ATP2C2: variants seen among roughly 807,000 people sequenced by gnomAD.
The protein encoded by ATP2C2 is calcium-transporting ATPase type 2C member 2.
ATP2C2 carries 171 observed loss-of-function variants against 110.8 expected under a neutral mutation model. That is an observed-to-expected ratio of 1.54 (90% CI 1.36 to 1.75). ATP2C2 has a LOEUF of 1.75. Ranked by LOEUF, ATP2C2 falls within the 40% of genes most tolerant of loss-of-function variation. The pLI, the probability that ATP2C2 is intolerant of heterozygous loss-of-function variation, is 0.00. For missense variants in ATP2C2, 1,963 were observed against 1,235.0 expected (o/e 1.59, Z -8.84); for synonymous variants, 804 against 508.4 (o/e 1.58, Z -7.82).
In ATP2C2 at chr16:84,453,140, A is replaced by G. The variant is rs1179224690; in HGVS notation, c.1834A>G (p.Arg612Gly). 8.7e-6 allele frequency: 14 copies of G among 1,609,596 alleles called. No individual in the cohort carries two copies. Among genetic ancestry groups the G allele is most frequent in the South Asian group, 1.1e-5 (1 of 90,666 alleles). ...CCTCAGAACAGGTTCTTCTGAAGGA[A>G]GAAACATCGGCCTGTGCAACGGGAA... ...DALETALAIGRNIGLCNGKLQ... is the reference protein window; with the variant it reads ...DALETALAIGGNIGLCNGKLQ... The change falls in exon 19 of 27, where the codon AGA becomes GGA. Residue 612 changes from arginine (R) to glycine (G), a missense_variant and splice_region_variant. By Grantham distance (125) the Arg-to-Gly change is moderately radical. Coordinates refer to ENST00000262429, the MANE Select transcript of ATP2C2 (RefSeq NM_014861.4).
intron 11 of ATP2C2, among the ~76,000 whole-genome samples, chr16:84,430,446 G>C (rs1328566335): frequency 6.6e-6 from 1 of 152,098 alleles, no homozygotes; most frequent in Non-Finnish European, 1.5e-5. Context: ...TTTAAGACCA[G>C]GTTGGCCAAC....
At chr16:84,452,713 G>A (rs1296190571) in intron 18 of ATP2C2, among the ~76,000 whole-genome samples, 1 of 152,018 alleles carries the variant, frequency 6.6e-6, no homozygotes, top group Admixed American at 6.6e-5. Flanking sequence ...TGCCCAGGCT[G>A]GTCTTGAACT....
intron 1 of ATP2C2, among the ~76,000 whole-genome samples, chr16:84,370,037 T>C (rs903657924): frequency 6.6e-6 from 1 of 152,264 alleles, no homozygotes; most frequent in East Asian, 1.9e-4. Context: ...TTCCTGTTTT[T>C]TCCTTTCCAT....
rs113793912 is a variant in ATP2C2, at chr16:84,368,745, C to A, written c.99+31C>A. On this transcript the variant is annotated intron_variant, in intron 1 of 26. Coordinates refer to ENST00000262429, the MANE Select transcript of ATP2C2 (RefSeq NM_014861.4). The stretch of plus-strand genomic sequence containing the variant: ...TCCCCGCGACTCCGCGCCGGGCGTG[C>A]GACCCGACCCCCCATCCCCTCCGTC... The A allele has an allele frequency of 5.8e-4, 844 of 1,464,738 alleles. 5 individuals carry two copies. The African/African-American group carries it at 0.011, about 20-fold the overall frequency. The allele number at this position is 1,464,738 out of a possible 1,614,324, so 90.7% of individuals were successfully genotyped here.
chr16:84,441,879 T>C (rs1382485177), intron 14 of ATP2C2, among the ~76,000 whole-genome samples: 3 of 152,076 alleles, frequency 2.0e-5, no homozygotes, highest in Non-Finnish European at 2.9e-5. Context: ...GCTGAGGTCA[T>C]GCCACTGCAC....
chr16:84,437,332 T>C (rs1219822117), intron 11 of ATP2C2, among the ~76,000 whole-genome samples: 2 of 151,992 alleles, frequency 1.3e-5, no homozygotes, highest in African/African-American at 4.8e-5. Context: ...TAGCTGGGAT[T>C]ATAGGTGCAC....
intron 13 of ATP2C2, among the ~76,000 whole-genome samples, chr16:84,440,592 C>T (rs567739389): frequency 9.3e-4 from 141 of 152,340 alleles, no homozygotes; most frequent in Middle Eastern, 3.4e-3. Flanking sequence ...TATGCTAGTT[C>T]TTAGTTTTCT....
intron 7 of ATP2C2, among the ~76,000 whole-genome samples, chr16:84,419,784 G>A (rs116243463): frequency 3.3e-5 from 5 of 152,272 alleles, no homozygotes; most frequent in East Asian, 3.9e-4. Flanking sequence ...CCCTGTGCTC[G>A]TGAGTTTATA....
At chr16:84,431,411 G>A (rs1408378792) in intron 11 of ATP2C2, among the ~76,000 whole-genome samples, 1 of 152,052 alleles carries the variant, frequency 6.6e-6, no homozygotes, top group Non-Finnish European at 1.5e-5. Context: ...CAGGAGAATC[G>A]CTTGAACTTG....
chr16:84,430,958 C>G, intron 11 of ATP2C2, among the ~76,000 whole-genome samples: 1 of 152,084 alleles, frequency 6.6e-6, no homozygotes, highest in Non-Finnish European at 1.5e-5. Context: ...GCCCCTCACT[C>G]CCTATCCTTG....
chr16:84,462,178 G>T (rs767910871), intron 26 of ATP2C2, 49 bp downstream of exon 26: 5 of 1,580,382 alleles, frequency 3.2e-6, no homozygotes, highest in African/African-American at 1.4e-5. Flanking sequence ...AGGGCCATGG[G>T]GGGCGGCAGC....
intron 7 of ATP2C2, among the ~76,000 whole-genome samples, chr16:84,419,659 C>A (rs542262083): frequency 2.6e-5 from 4 of 152,154 alleles, no homozygotes; most frequent in African/African-American, 4.8e-5. Context: ...TTGGGGCCCC[C>A]GACCCCACTC....
At chr16:84,425,984 G>T in intron 11 of ATP2C2, 183 bp downstream of exon 11, 1 of 652,594 alleles carries the variant, frequency 1.5e-6, no homozygotes. Flanking sequence ...CCCGGCGAAT[G>T]CTTGCAAAAT....
intron 21 of ATP2C2, 39 bp from the exon 22 acceptor site, chr16:84,459,081 A>C: frequency 1.9e-6 from 3 of 1,611,378 alleles, no homozygotes; most frequent in Non-Finnish European, 2.5e-6. Flanking sequence ...GCCCTCACGC[A>C]GGCCCGCTCC....
intron 6 of ATP2C2, among the ~76,000 whole-genome samples, chr16:84,415,171 T>C (rs1906721579): frequency 6.6e-6 from 1 of 151,982 alleles, no homozygotes; most frequent in African/African-American, 2.4e-5. Context: ...GCCGGCTGCA[T>C]TTGGAGGCTT....
chr16:84,373,966 C>T (rs1056212573), intron 1 of ATP2C2, among the ~76,000 whole-genome samples: 2 of 152,214 alleles, frequency 1.3e-5, no homozygotes, highest in Non-Finnish European at 2.9e-5. Flanking sequence ...GACTCAAACT[C>T]AAGTCCAACT....
chr16:84,392,152 AG>A (rs1359919736), intron 1 of ATP2C2, among the ~76,000 whole-genome samples: 1 of 152,120 alleles, frequency 6.6e-6, no homozygotes, highest in East Asian at 1.9e-4. Flanking sequence ...AGTGCCAATG[AG>A]GGGAGCCAAT....
chr16:84,431,887 C>G (rs1001431409), intron 11 of ATP2C2, among the ~76,000 whole-genome samples: 1 of 152,116 alleles, frequency 6.6e-6, no homozygotes, highest in Non-Finnish European at 1.5e-5. Context: ...CAGCTTATTA[C>G]AGAAGCGGGG....
In ATP2C2 at chr16:84,412,325, CGT is replaced by C. The variant is rs144297479; in HGVS notation, c.515+1567_515+1568del. Among the ~76,000 whole-genome samples the C allele has an allele frequency of 6.9e-4, 89 of 128,928 alleles. 1 individual carries two copies. The highest frequency in any genetic ancestry group is 5.4e-3 in the South Asian group (24 of 4,482). The allele number at this position is 128,928 out of a possible 152,430, so 84.6% of individuals were successfully genotyped here. A position where few individuals can be genotyped will look rare whatever the true frequency, so the allele number is the denominator to read the frequency against. On this transcript the variant is annotated intron_variant, in intron 6 of 26. Transcript: ENST00000262429. Reference sequence around the variant, plus strand: ...GTGAGCATGTCTGCACGTGTGTGTGCGTGTGTGTCTGTATGCGTGTGTCTGCG... The same window carrying C: ...GTGAGCATGTCTGCACGTGTGTGTGCGTGTGTCTGTATGCGTGTGTCTGCG...
Sources: allele counts gnomAD v4.1 joint callset (sites outside exome capture counted in the v4.1 genomes callset), GRCh38; gene constraint gnomAD v4.1.1; transcripts MANE v1.5; gene names NCBI Gene and HGNC (gene_info 2026-07-23, HGNC 2026-07-21).